SCAF8: variants seen among roughly 807,000 people sequenced by gnomAD.
SCAF8 encodes the protein SR-related and CTD-associated factor 8.
A neutral mutation model predicts 140.5 loss-of-function variants in SCAF8; 23 were observed. The observed-to-expected ratio is 0.16, with a 90% CI of 0.12 to 0.23. The LOEUF (loss-of-function observed/expected upper bound fraction) is 0.23, where lower values mean the gene tolerates loss of function less well. SCAF8 is among the 10% of genes least tolerant of loss of function. SCAF8 has a pLI of 1.00. For missense variants in SCAF8, 1,397 were observed against 1,555.7 expected, an observed-to-expected ratio of 0.90 and a Z score of 1.72; for synonymous variants, 575 against 528.9, an observed-to-expected ratio of 1.09 and a Z score of -1.20.
At chr6:154,780,807 A>G (rs1777063053) in intron 3 of SCAF8, among the ~76,000 whole-genome samples, 1 of 152,072 alleles carries the variant, frequency 6.6e-6, no homozygotes, top group Non-Finnish European at 1.5e-5. Flanking sequence ...TGTCTTTGCT[A>G]TCGTGAATAG....
At chr6:154,738,293 G>C (rs1173224591) in intron 1 of SCAF8, among the ~76,000 whole-genome samples, 1 of 152,070 alleles carries the variant, frequency 6.6e-6, no homozygotes, top group Non-Finnish European at 1.5e-5. Flanking sequence ...CTTCATGCAA[G>C]ATATGTATGA....
rs151116329 is a variant in SCAF8, at chr6:154,818,110, G to T, written c.1522-369G>T. Among the ~76,000 whole-genome samples, 53 of 152,202 alleles carry T rather than the reference G, an allele frequency of 3.5e-4. 1 individual carries two copies. The East Asian group carries it at 0.01, about 29-fold the overall frequency. On this transcript the variant is annotated intron_variant, in intron 13 of 19. Coordinates refer to ENST00000367178, the MANE Select transcript of SCAF8 (RefSeq NM_014892.5). ...TAAATTGTTGCCTTCAAATATTTTGGCCATATAATACTACTTTCCTTTTAT... is the reference window on the plus strand; with the variant it reads ...TAAATTGTTGCCTTCAAATATTTTGTCCATATAATACTACTTTCCTTTTAT...
intron 5 of SCAF8, among the ~76,000 whole-genome samples, chr6:154,793,764 G>A (rs1158964985): frequency 1.5e-5 from 2 of 136,514 alleles, no homozygotes; most frequent in African/African-American, 2.8e-5. Flanking sequence ...GCAGCGAGGC[G>A]AGATCGCGCC....
chr6:154,794,826 T>C (rs1777550789), intron 5 of SCAF8, among the ~76,000 whole-genome samples, 183 bp from the exon 6 acceptor site: 1 of 139,652 alleles, frequency 7.2e-6, no homozygotes, highest in Non-Finnish European at 1.5e-5. Context: ...TGTGTGTGTG[T>C]GTGTTTAATG....
At chr6:154,783,190 T>G (rs1302843830) in intron 3 of SCAF8, among the ~76,000 whole-genome samples, 1 of 152,220 alleles carries the variant, frequency 6.6e-6, no homozygotes, top group Non-Finnish European at 1.5e-5. Context: ...TCCAAAAATA[T>G]GTAGAGTTTA....
chr6:154,810,518 A>G (rs188978276), intron 12 of SCAF8, among the ~76,000 whole-genome samples: 36 of 152,350 alleles, frequency 2.4e-4, no homozygotes, highest in African/African-American at 7.5e-4. Context: ...ACTTCTGTCT[A>G]TAGTATTCTT....
At position 154,733,562 on chromosome 6, in the gene SCAF8, G is replaced by T; in HGVS notation, c.-339G>T. The T allele has an allele frequency of 3.1e-6, 4 of 1,284,072 alleles. No individual in the cohort carries two copies. Among genetic ancestry groups the T allele is most frequent in the Non-Finnish European group, 3.9e-6 (4 of 1,017,880 alleles). 79.5% of individuals were successfully genotyped at this position (1,284,072 alleles called of 1,614,324 possible). A position where few individuals can be genotyped will look rare whatever the true frequency, so the allele number is the denominator to read the frequency against. The stretch of plus-strand genomic sequence containing the variant: ...AGGGAGTGGAGAGTGTAGGGGAAGG[G>T]GCTAGAGGGAGGGGGACCGAAACGG... On this transcript the variant is annotated 5_prime_UTR_variant, in exon 1 of 20. Transcript: ENST00000367178.
chr6:154,734,063 G>C (rs1320555961), intron 1 of SCAF8, 133 bp downstream of exon 1: 1 of 1,313,794 alleles, frequency 7.6e-7, no homozygotes, highest in Non-Finnish European at 9.8e-7. Context: ...AGCAGTGCCC[G>C]TGGGGGAGGG....
chr6:154,815,718 T>C lies in SCAF8; in HGVS notation c.1423T>C (p.Cys475Arg). The C allele has an allele frequency of 6.3e-7, 1 of 1,593,208 alleles. No individual in the cohort carries two copies. ...PPIRSKTLSVCSTTLWVGQVD... is the reference protein window; with the variant it reads ...PPIRSKTLSVRSTTLWVGQVD... ...ATTTGTCTCTTGTGTCTTGACAGTA[T>C]GTAGTACTACTCTCTGGGTTGGGCA... The change falls in exon 13 of 20, where the codon TGT (cysteine) becomes CGT (arginine). Residue 475 changes from cysteine (C) to arginine (R), a missense_variant and splice_region_variant. By Grantham distance (180) the Cys-to-Arg change is radical. This residue lies in a region of SCAF8 where 339 missense variants were observed against 407.5 expected (regional missense o/e 0.83). Coordinates refer to ENST00000367178, the MANE Select transcript of SCAF8 (RefSeq NM_014892.5).
chr6:154,770,182 C>T (rs1459497375), intron 1 of SCAF8, among the ~76,000 whole-genome samples: 10 of 152,062 alleles, frequency 6.6e-5, no homozygotes, highest in Admixed American at 6.6e-4. Context: ...GGTGTGGTGG[C>T]TCACACCTGT....
intron 7 of SCAF8, 37 bp from the exon 8 acceptor site, chr6:154,803,507 A>T (rs751602956): frequency 7.0e-7 from 1 of 1,426,708 alleles, no homozygotes; most frequent in Non-Finnish European, 9.9e-7. Context: ...TGTGTGAAGC[A>T]CTTTTTAATA....
chr6:154,776,894 A>C (rs1376136861), intron 2 of SCAF8, among the ~76,000 whole-genome samples: 3 of 149,992 alleles, frequency 2.0e-5, no homozygotes, highest in African/African-American at 7.6e-5. Flanking sequence ...GAAAAGTATA[A>C]AGAAGGCTGG....
chr6:154,781,980 A>G (rs922555094), intron 3 of SCAF8, among the ~76,000 whole-genome samples: 5 of 152,246 alleles, frequency 3.3e-5, no homozygotes, highest in Non-Finnish European at 7.3e-5. Flanking sequence ...ATGGAGTAAT[A>G]AATGACAGTA....
In SCAF8 at chr6:154,750,063, A is replaced by C. The variant is rs550154555; in HGVS notation, c.30+16133A>C. Among the ~76,000 whole-genome samples, 4 of 151,522 alleles carry C rather than the reference A, an allele frequency of 2.6e-5. No individual in the cohort carries two copies. The East Asian group carries it at 7.9e-4, about 30-fold the overall frequency. ...TTTAAGAGTATGGTACCAGTCACTA[A>C]GATGGGCAAATCAGGGAGAGAAAGA... On this transcript the variant is annotated intron_variant, in intron 1 of 19. Coordinates refer to ENST00000367178, the MANE Select transcript of SCAF8 (RefSeq NM_014892.5).
At chr6:154,777,870 T>G in intron 2 of SCAF8, 131 bp from the exon 3 acceptor site, 1 of 636,864 alleles carries the variant, frequency 1.6e-6, no homozygotes, top group South Asian at 1.7e-5. Flanking sequence ...ACAAGAATGT[T>G]TGTCTCAAAA....
intron 17 of SCAF8, among the ~76,000 whole-genome samples, chr6:154,826,641 G>C (rs946959379): frequency 5.3e-5 from 8 of 152,112 alleles, no homozygotes; most frequent in African/African-American, 1.4e-4. Flanking sequence ...CAGCTACTCG[G>C]GAGGCTGAAG....
intron 17 of SCAF8, among the ~76,000 whole-genome samples, chr6:154,825,894 G>A (rs1430164058): frequency 6.6e-6 from 1 of 151,968 alleles, no homozygotes; most frequent in Non-Finnish European, 1.5e-5. Flanking sequence ...TCTTTACCTA[G>A]AAACTCTAAT....
intron 18 of SCAF8, among the ~76,000 whole-genome samples, chr6:154,830,347 G>A (rs1270057433): frequency 6.6e-6 from 1 of 152,126 alleles, no homozygotes; most frequent in Non-Finnish European, 1.5e-5. Flanking sequence ...TAATTATTTT[G>A]TATTCCTCTG....
intron 1 of SCAF8, among the ~76,000 whole-genome samples, chr6:154,755,088 G>A (rs1329085376): frequency 6.6e-6 from 1 of 152,112 alleles, no homozygotes; most frequent in Non-Finnish European, 1.5e-5. Context: ...TTTAAAAAAT[G>A]TATATTCTGC....
Sources: allele counts gnomAD v4.1 joint callset (sites outside exome capture counted in the v4.1 genomes callset), GRCh38; gene constraint gnomAD v4.1.1; regional missense constraint gnomAD v4.1.1; transcripts MANE v1.5; gene names NCBI Gene and HGNC (gene_info 2026-07-23, HGNC 2026-07-21).